EPG5: variants seen among roughly 807,000 people sequenced by gnomAD.
The protein encoded by EPG5 is ectopic P granules protein 5 homolog.
In EPG5, 159 loss-of-function variants were observed where a neutral mutation model predicts 302.7. The ratio of observed to expected loss-of-function variants is 0.53; its 90% CI spans 0.46 to 0.60. EPG5 has a LOEUF of 0.60. Ranked by LOEUF, EPG5 falls within the 20% of genes least tolerant of loss-of-function variation. The probability of loss-of-function intolerance (pLI) is 0.00; values close to 1 mark genes in which losing one functional copy is unlikely to be tolerated. For missense variants in EPG5, 2,896 were observed against 3,092.4 expected (o/e 0.94, Z 1.51); for synonymous variants, 1,158 against 1,136.8 (o/e 1.02, Z -0.37).
chr18:45,876,408 T>C lies in EPG5; in HGVS notation c.5943-66A>G, dbSNP rs138099227. 2.2e-5 allele frequency: 30 copies of C among 1,363,582 alleles called. No individual in the cohort carries two copies. In the African/African-American group the frequency reaches 3.9e-4, roughly 18 times the overall value. 84.5% of individuals were successfully genotyped at this position (1,363,582 alleles called of 1,614,324 possible). A position where few individuals can be genotyped will look rare whatever the true frequency, so the allele number is the denominator to read the frequency against. ...ATTAAAATACTGTTAAGTCCCAGTG[T>C]CTAGGGCTGGCCTAAGTCCTGGAAG... On this transcript the variant is annotated intron_variant, in intron 34 of 43. Transcript: ENST00000282041.
intron 39 of EPG5, among the ~76,000 whole-genome samples, chr18:45,863,306 T>C (rs2048674997): frequency 6.6e-6 from 1 of 152,214 alleles, no homozygotes; most frequent in Non-Finnish European, 1.5e-5. Flanking sequence ...AATTTTATCA[T>C]CTTATTTTGG....
chr18:45,964,908 G>A (rs960619288), intron 1 of EPG5, among the ~76,000 whole-genome samples: 23 of 150,028 alleles, frequency 1.5e-4, no homozygotes, highest in Non-Finnish European at 1.0e-4. Context: ...AGCAGAGATC[G>A]CGCCACTGCA....
intron 16 of EPG5, among the ~76,000 whole-genome samples, chr18:45,920,273 G>A (rs2050125445): frequency 6.6e-6 from 1 of 152,172 alleles, no homozygotes; most frequent in African/African-American, 2.4e-5. Context: ...AGGAGCAGGG[G>A]AGATTACAAT....
chr18:45,916,503 C>A lies in EPG5; in HGVS notation c.3319G>T (p.Val1107Leu). The change falls in exon 18 of 44, where the codon GTG becomes TTG. Residue 1107 changes from valine (V) to leucine (L), a missense_variant. This residue lies in a region of EPG5 where 1,390 missense variants were observed against 1,430.0 expected (regional missense o/e 0.97). Coordinates refer to ENST00000282041, the MANE Select transcript of EPG5 (RefSeq NM_020964.3). ...CTGGCTCCTGTCAGGTGCTGTGCCA[C>A]CTTGTGGGTGACCTGTTGTGTGACA... ...QGVTQQVTHK[V>L]AQHLTGASHG... 1 of 1,613,820 alleles carries A rather than the reference C, an allele frequency of 6.2e-7. No homozygotes were observed.
rs2051002650 is a variant in EPG5, at chr18:45,955,294, T to C, written c.108A>G (p.Glu36=). ...CTCTGGAGGTTTTTGGAAGGGAGACTTCACTGGACTCTTCCCTCTGAGGAG... is the reference window on the plus strand; with the variant it reads ...CTCTGGAGGTTTTTGGAAGGGAGACCTCACTGGACTCTTCCCTCTGAGGAG... ...YETPQREESS[E]VSLPKTSREQ... is the part of the protein sequence containing the mutation. The change falls in exon 2 of 44, where the codon GAA becomes GAG. Residue 36 remains glutamate (E), a synonymous_variant. Coordinates refer to ENST00000282041, the MANE Select transcript of EPG5 (RefSeq NM_020964.3). 6.2e-7 allele frequency: 1 copy of C among 1,612,164 alleles called. No homozygotes were observed. The highest frequency in any genetic ancestry group is 1.7e-5 in the Admixed American group (1 of 59,606).
At chr18:45,824,237 C>T in the EPG5 span, among the ~76,000 whole-genome samples, 5 of 152,150 alleles carry the variant, frequency 3.3e-5, no homozygotes, top group Non-Finnish European at 5.9e-5. Flanking sequence ...GACGGAGTCT[C>T]GCTCTGTCGC....
At chr18:45,864,434 A>G (rs913269558) in intron 39 of EPG5, among the ~76,000 whole-genome samples, 3 of 152,162 alleles carry the variant, frequency 2.0e-5, no homozygotes, top group Admixed American at 2.0e-4. Context: ...TATTTCTACA[A>G]TCCCTTGCTT....
At chr18:45,908,675 G>A (rs989315194) in intron 23 of EPG5, among the ~76,000 whole-genome samples, 2 of 152,184 alleles carry the variant, frequency 1.3e-5, no homozygotes, top group African/African-American at 2.4e-5. Context: ...TTCTGGCTGG[G>A]CGCAGTGGCT....
Position 45,860,354 on chromosome 18 carries a change from G to A in EPG5, c.6767-8C>T, listed in dbSNP as rs748817848. 6.4e-5 allele frequency: 104 copies of A among 1,614,038 alleles called. No individual in the cohort carries two copies. The highest frequency in any genetic ancestry group is 8.6e-5 in the Non-Finnish European group (102 of 1,180,000). On this transcript the variant is annotated splice_polypyrimidine_tract_variant and splice_region_variant and intron_variant, in intron 39 of 43. Coordinates refer to ENST00000282041, the MANE Select transcript of EPG5 (RefSeq NM_020964.3). ...GGGTCTGGCTGTCCATGTCTGAAAG[G>A]AATATAGACACACTCAAGAATGGCT...
At chr18:45,879,272 A>T in intron 32 of EPG5, 58 bp from the exon 33 acceptor site, 1 of 1,280,398 alleles carries the variant, frequency 7.8e-7, no homozygotes, top group Non-Finnish European at 1.1e-6. Context: ...GTAAAGTGTT[A>T]TGATACACTG....
chr18:45,876,144 A>G, intron 35 of EPG5, 92 bp downstream of exon 35: 2 of 819,900 alleles, frequency 2.4e-6, no homozygotes, highest in South Asian at 3.2e-5. Context: ...CTGCCTATTA[A>G]ATAAAAATTA....
At chr18:45,842,254 TGGC>T in the EPG5 span, 16 of 1,569,324 alleles carry the variant, frequency 1.0e-5, no homozygotes, top group South Asian at 1.7e-4. Flanking sequence ...GAGGCTTGGC[TGGC>T]ACAGCCAGTC....
intron 1 of EPG5, among the ~76,000 whole-genome samples, chr18:45,966,333 G>C (rs927864142): frequency 2.0e-5 from 3 of 146,420 alleles, no homozygotes; most frequent in Admixed American, 6.9e-5. Context: ...CCGAGATCGC[G>C]CCACTGCACT....
chr18:45,861,443 G>A (rs2048631679), intron 39 of EPG5, among the ~76,000 whole-genome samples: 1 of 152,032 alleles, frequency 6.6e-6, no homozygotes, highest in Admixed American at 6.5e-5. Flanking sequence ...TATCAACAGG[G>A]CTCTCAAATC....
chr18:45,930,954 T>G (rs1334282463), intron 11 of EPG5, 124 bp from the exon 12 acceptor site: 3 of 953,138 alleles, frequency 3.1e-6, no homozygotes, highest in African/African-American at 3.4e-5. Flanking sequence ...TGTTCCAAAA[T>G]AGATTTCTAC....
At chr18:45,813,258 A>G in the EPG5 span, among the ~76,000 whole-genome samples, 21 of 152,222 alleles carry the variant, frequency 1.4e-4, no homozygotes, top group Admixed American at 3.3e-4. Context: ...TTAAAAAGTC[A>G]GGAAACAACA....
At chr18:45,815,191 C>T in the EPG5 span, among the ~76,000 whole-genome samples, 194 of 152,228 alleles carry the variant, frequency 1.3e-3, no homozygotes, top group African/African-American at 4.5e-3. Flanking sequence ...TGCATATTTA[C>T]GGGACTAAAT....
chr18:45,831,924 G>A, the EPG5 span, among the ~76,000 whole-genome samples: 1 of 152,176 alleles, frequency 6.6e-6, no homozygotes, highest in Non-Finnish European at 1.5e-5. Flanking sequence ...TTTTAGTAGA[G>A]GCAGGGATTC....
the EPG5 span, among the ~76,000 whole-genome samples, chr18:45,804,723 G>A: frequency 1.3e-5 from 2 of 152,154 alleles, no homozygotes; most frequent in South Asian, 2.1e-4. Context: ...TATAAGAAAT[G>A]CTAAAGAAAG....
Sources: allele counts gnomAD v4.1 joint callset (sites outside exome capture counted in the v4.1 genomes callset), GRCh38; gene constraint gnomAD v4.1.1; regional missense constraint gnomAD v4.1.1; transcripts MANE v1.5; gene names NCBI Gene and HGNC (gene_info 2026-07-23, HGNC 2026-07-21).